The following ARHGEF12 variants were observed in gnomAD, a reference collection of about 807,000 sequenced individuals.
The protein encoded by ARHGEF12 is KMT2A/ARHGEF12 fusion protein.
ARHGEF12 carries 66 observed loss-of-function variants against 211.2 expected under a neutral mutation model. The observed-to-expected ratio is 0.31, with a 90% CI of 0.26 to 0.38. ARHGEF12 has a LOEUF of 0.38. Ranked by LOEUF, ARHGEF12 falls within the 10% of genes least tolerant of loss-of-function variation. ARHGEF12 has a pLI of 1.00. For synonymous variants in ARHGEF12, 592 were observed against 638.4 expected (o/e 0.93, Z 1.09); for missense variants, 1,429 against 1,869.5 (o/e 0.76, Z 4.34).
At chr11:120,337,393 G>GT (rs1417024595) in intron 1 of ARHGEF12, 118 bp downstream of exon 1, 7 of 1,557,238 alleles carry the variant, frequency 4.5e-6, no homozygotes, top group Non-Finnish European at 5.2e-6. Flanking sequence ...AAAGAGGGTT[G>GT]TTTCGGAGCT....
At chr11:120,350,163 TTAAAA>T (rs1337578286) in intron 1 of ARHGEF12, among the ~76,000 whole-genome samples, 2 of 152,222 alleles carry the variant, frequency 1.3e-5, no homozygotes, top group African/African-American at 4.8e-5. Context: ...GAATTATATC[TTAAAA>T]TGAAGAAATT....
chr11:120,428,237 T>C lies in ARHGEF12; in HGVS notation c.575T>C (p.Val192Ala), dbSNP rs778050432. 2 of 1,583,786 alleles carry C rather than the reference T, an allele frequency of 1.3e-6. No homozygotes were observed. The highest frequency in any genetic ancestry group is 1.7e-6 in the Non-Finnish European group (2 of 1,165,110). The change falls in exon 8 of 41, where the codon GTG (valine) becomes GCG (alanine). Residue 192 changes from valine to alanine, a missense_variant. By Grantham distance (64) the Val-to-Ala change is moderately conservative. Transcript: ENST00000397843. Reference protein sequence around the residue: ...SGNMERITSPVLMGEENNVVH... With the variant: ...SGNMERITSPALMGEENNVVH... ...AATATGGAGAGAATCACTAGTCCTGTGCTCATGGGGGTAAGAATGGGGAAA... is the reference window on the plus strand; with the variant it reads ...AATATGGAGAGAATCACTAGTCCTGCGCTCATGGGGGTAAGAATGGGGAAA...
chr11:120,384,759 A>G (rs1943978536), intron 1 of ARHGEF12, among the ~76,000 whole-genome samples: 1 of 152,150 alleles, frequency 6.6e-6, no homozygotes, highest in African/African-American at 2.4e-5. Flanking sequence ...TACAGATTTA[A>G]TTAGGCTTAT....
chr11:120,395,202 A>G (rs1270026475), intron 1 of ARHGEF12, among the ~76,000 whole-genome samples: 2 of 152,024 alleles, frequency 1.3e-5, no homozygotes, highest in East Asian at 1.9e-4. Flanking sequence ...TTACATATAC[A>G]TAAAACAGGA....
At chr11:120,476,480 A>G (rs1208955316) in intron 33 of ARHGEF12, 181 bp from the exon 34 acceptor site, 2 of 446,598 alleles carry the variant, frequency 4.5e-6, no homozygotes, top group African/African-American at 3.9e-5. Context: ...TAAATATAGT[A>G]CAATAAATAC....
At chr11:120,445,077 A>G (rs1946003545) in intron 15 of ARHGEF12, among the ~76,000 whole-genome samples, 2 of 152,214 alleles carry the variant, frequency 1.3e-5, no homozygotes, top group Admixed American at 6.5e-5. Flanking sequence ...GGTTTTACCT[A>G]TATTGATCTA....
At chr11:120,424,529 G>T in intron 7 of ARHGEF12, 114 bp downstream of exon 7, 1 of 715,930 alleles carries the variant, frequency 1.4e-6, no homozygotes, top group Non-Finnish European at 2.3e-6. Flanking sequence ...GGACTATATA[G>T]TCTACTGCCG....
intron 3 of ARHGEF12, chr11:120,408,846 T>G (rs539544879): frequency 1.3e-5 from 2 of 152,252 alleles, no homozygotes; most frequent in African/African-American, 4.8e-5. Context: ...GGACTATGTA[T>G]TATGTCACTT....
At chr11:120,398,112 C>G (rs528305709) in intron 1 of ARHGEF12, among the ~76,000 whole-genome samples, 13 of 152,288 alleles carry the variant, frequency 8.5e-5, no homozygotes, top group Non-Finnish European at 1.9e-4. Flanking sequence ...ACGGCAGTCT[C>G]ATTACTCAAT....
At chr11:120,347,892 A>G (rs1306645704) in intron 1 of ARHGEF12, among the ~76,000 whole-genome samples, 1 of 152,184 alleles carries the variant, frequency 6.6e-6, no homozygotes, top group Admixed American at 6.5e-5. Flanking sequence ...TTCAGGTGAC[A>G]ATGAGGTGGC....
intron 29 of ARHGEF12, among the ~76,000 whole-genome samples, 178 bp downstream of exon 29, chr11:120,467,486 A>T (rs946940698): frequency 1.5e-5 from 2 of 136,734 alleles, no homozygotes; most frequent in Admixed American, 8.3e-5. Flanking sequence ...TCAGTCTTGC[A>T]GGCTGGAGTG....
In ARHGEF12 at chr11:120,465,231, G is replaced by T; in HGVS notation, c.2614-6G>T. 1 of 1,613,902 alleles carries T rather than the reference G, an allele frequency of 6.2e-7. No individual in the cohort carries two copies. The highest frequency in any genetic ancestry group is 1.1e-5 in the South Asian group (1 of 91,052). ...CTCTTTTGTGTTCTTTGCATTCTTG[G>T]CACAGTTCAGCGGACCAGGAGAGGA... On this transcript the variant is annotated splice_polypyrimidine_tract_variant and splice_region_variant and intron_variant, in intron 27 of 40. Coordinates refer to ENST00000397843, the MANE Select transcript of ARHGEF12 (RefSeq NM_015313.3).
chr11:120,398,346 T>C (rs1944452497), intron 1 of ARHGEF12, among the ~76,000 whole-genome samples: 1 of 152,154 alleles, frequency 6.6e-6, no homozygotes, highest in South Asian at 2.1e-4. Context: ...AAAACACTCA[T>C]CCTCCAACCT....
In ARHGEF12 at chr11:120,416,728, G is replaced by A. The variant is rs547494437; in HGVS notation, c.200-4025G>A. 6.6e-5 allele frequency among the ~76,000 whole-genome samples: 10 copies of A among 152,082 alleles called. No homozygotes were observed. In the South Asian group the frequency reaches 2.1e-3, roughly 32 times the overall value. ...TGCAGTGGCGCGATCTCGGCTCACT[G>A]CATCCTCTGCCTCCTGGGTTCAAGC... is the stretch of plus-strand genomic sequence containing the variant. On this transcript the variant is annotated intron_variant, in intron 4 of 40. Coordinates refer to ENST00000397843, the MANE Select transcript of ARHGEF12 (RefSeq NM_015313.3).
intron 1 of ARHGEF12, among the ~76,000 whole-genome samples, chr11:120,354,711 G>A (rs1943083536): frequency 6.6e-6 from 1 of 152,160 alleles, no homozygotes; most frequent in South Asian, 2.1e-4. Context: ...TTTAAAAAAA[G>A]AAGCCCACCA....
chr11:120,384,425 G>C (rs1265795775), intron 1 of ARHGEF12, among the ~76,000 whole-genome samples: 1 of 152,194 alleles, frequency 6.6e-6, no homozygotes, highest in African/African-American at 2.4e-5. Flanking sequence ...ATTGATCCCA[G>C]AAATTGTGTG....
intron 1 of ARHGEF12, among the ~76,000 whole-genome samples, chr11:120,382,288 G>T (rs1046203075): frequency 2.0e-5 from 3 of 152,200 alleles, no homozygotes. Flanking sequence ...TGTGCAGTAT[G>T]TGCTCCTTTT....
Position 120,336,594 on chromosome 11 carries a change from G to T in ARHGEF12, c.-650G>T, listed in dbSNP as rs974143999. Among the ~76,000 whole-genome samples, 1 of 152,088 alleles carries T rather than the reference G, an allele frequency of 6.6e-6. No individual in the cohort carries two copies. Among genetic ancestry groups the T allele is most frequent in the Non-Finnish European group, 1.5e-5 (1 of 67,972 alleles). ...AAAGGGATGGGGAGCAGTCCGCGGC[G>T]CTGAGAGACCCGGGTCCCTGTCACC... On this transcript the variant is annotated 5_prime_UTR_variant, in exon 1 of 41. Coordinates refer to ENST00000397843, the MANE Select transcript of ARHGEF12 (RefSeq NM_015313.3).
At chr11:120,481,121 T>C (rs1006168791) in intron 38 of ARHGEF12, 139 bp from the exon 39 acceptor site, 1 of 744,970 alleles carries the variant, frequency 1.3e-6, no homozygotes. Flanking sequence ...AATTCTGATG[T>C]ACCTGAAACT....
Sources: gnomAD v4.1 joint callset for allele counts (sites outside exome capture counted in the v4.1 genomes callset) on GRCh38, gnomAD v4.1.1 for gene constraint, MANE v1.5 for transcripts, NCBI Gene and HGNC (gene_info 2026-07-23, HGNC 2026-07-21) for gene names.